SARNP: variants seen among roughly 807,000 people sequenced by gnomAD.
SARNP encodes the protein SAP domain containing ribonucleoprotein, also known as SAP domain-containing ribonucleoprotein.
SARNP carries 5 observed loss-of-function variants against 38.1 expected under a neutral mutation model. That is an observed-to-expected ratio of 0.13 (90% CI 0.07 to 0.28). The LOEUF (loss-of-function observed/expected upper bound fraction) is 0.28, where lower values mean the gene tolerates loss of function less well. Ranked by LOEUF, SARNP falls within the 10% of genes least tolerant of loss-of-function variation. The pLI is 1.00. For synonymous variants in SARNP, 84 were observed against 80.6 expected, an observed-to-expected ratio of 1.04 and a Z score of -0.23; for missense variants, 180 against 243.9, an observed-to-expected ratio of 0.74 and a Z score of 1.75.
intron 2 of SARNP, among the ~76,000 whole-genome samples, chr12:55,803,226 G>A (rs1880036748): frequency 6.6e-6 from 1 of 152,098 alleles, no homozygotes. Flanking sequence ...GCTCACAACT[G>A]TAATCCCAGC....
At chr12:55,771,515 G>A (rs1879007648) in intron 9 of SARNP, among the ~76,000 whole-genome samples, 1 of 152,130 alleles carries the variant, frequency 6.6e-6, no homozygotes, top group African/African-American at 2.4e-5. Context: ...TATACCATGT[G>A]TGAGAAGCAG....
chr12:55,783,993 C>T lies in SARNP; in HGVS notation c.501+5082G>A, dbSNP rs575100471. Among the ~76,000 whole-genome samples, 6 of 152,178 alleles carry T rather than the reference C, an allele frequency of 3.9e-5. No homozygotes were observed. The South Asian group carries it at 1.0e-3, about 26-fold the overall frequency. Reference sequence around the variant, plus strand: ...TCCATGGCTCATTTGCTCTCATATACTTCCTCCCTTTATTCATATACTACA... The same window carrying T: ...TCCATGGCTCATTTGCTCTCATATATTTCCTCCCTTTATTCATATACTACA... On this transcript the variant is annotated intron_variant, in intron 9 of 10. Transcript: ENST00000336133.
chr12:55,757,613 T>G, intron 10 of SARNP, 60 bp from the exon 11 acceptor site: 1 of 1,404,684 alleles, frequency 7.1e-7, no homozygotes, highest in Non-Finnish European at 9.9e-7. Context: ...CCTGGGTTCC[T>G]GGCTGCTTTA....
intron 1 of SARNP, 69 bp from the exon 2 acceptor site, chr12:55,803,797 C>G: frequency 9.8e-7 from 1 of 1,016,012 alleles, no homozygotes; most frequent in Non-Finnish European, 1.5e-6. Flanking sequence ...ATGGTAGTTC[C>G]CACAAGGAAA....
chr12:55,810,451 A>AT (rs199532602), intron 1 of SARNP, among the ~76,000 whole-genome samples: 2,734 of 136,032 alleles, frequency 0.02, 28 homozygotes, highest in African/African-American at 0.028. Flanking sequence ...CTGACCTTGA[A>AT]TTTTTTTTTT....
chr12:55,770,586 G>T (rs1878978352), intron 9 of SARNP, among the ~76,000 whole-genome samples: 1 of 151,962 alleles, frequency 6.6e-6, no homozygotes, highest in Admixed American at 6.6e-5. Context: ...GATTTCCATG[G>T]CATATATACT....
In SARNP at chr12:55,774,558, T is replaced by TAAAAAAAAAAAAAAA. The variant is rs1565673497; in HGVS notation, c.502-13919_502-13918insTTTTTTTTTTTTTTT. Reference sequence around the variant, plus strand: ...CGACACGGTGAAACCCCGTCTCTACTGAAAAAAAAAAAAAAACAAACAAAA... The same window carrying TAAAAAAAAAAAAAAA: ...CGACACGGTGAAACCCCGTCTCTACTAAAAAAAAAAAAAAAGAAAAAAAAAAAAAAACAAACAAAA... On this transcript the variant is annotated intron_variant, in intron 9 of 10. Coordinates refer to ENST00000336133, the MANE Select transcript of SARNP (RefSeq NM_033082.4). 1.6e-3 allele frequency among the ~76,000 whole-genome samples: 64 copies of TAAAAAAAAAAAAAAA among 40,512 alleles called. 6 individuals are homozygous for TAAAAAAAAAAAAAAA. The highest frequency in any genetic ancestry group is 2.2e-3 in the South Asian group (2 of 920). 26.6% of individuals were successfully genotyped at this position (40,512 alleles called of 152,430 possible). A position where few individuals can be genotyped will look rare whatever the true frequency, so the allele number is the denominator to read the frequency against.
chr12:55,802,222 T>C (rs967664169), intron 2 of SARNP, among the ~76,000 whole-genome samples: 26 of 152,166 alleles, frequency 1.7e-4, no homozygotes, highest in African/African-American at 5.8e-4. Context: ...TGGGAGTCCT[T>C]AGTCACATTA....
intron 10 of SARNP, among the ~76,000 whole-genome samples, chr12:55,757,776 A>C (rs1184075293): frequency 1.3e-5 from 2 of 152,162 alleles, no homozygotes; most frequent in African/African-American, 4.8e-5. Context: ...GGTGAGGAGT[A>C]AAGAAGATTA....
chr12:55,801,396 T>C (rs377198632), intron 2 of SARNP, among the ~76,000 whole-genome samples: 16 of 152,174 alleles, frequency 1.1e-4, no homozygotes, highest in East Asian at 3.9e-4. Flanking sequence ...TGAGCTGAGA[T>C]CATGTCACTG....
chr12:55,804,751 A>C (rs1342482224), intron 1 of SARNP, among the ~76,000 whole-genome samples: 1 of 152,096 alleles, frequency 6.6e-6, no homozygotes, highest in Non-Finnish European at 1.5e-5. Flanking sequence ...GCAGGAAAGA[A>C]AGGCTCCAGA....
intron 4 of SARNP, 27 bp from the exon 5 acceptor site, chr12:55,796,103 T>A (rs1879812923): frequency 1.3e-6 from 2 of 1,494,122 alleles, no homozygotes; most frequent in Admixed American, 1.7e-5. Context: ...TTTTTTAAAA[T>A]GAGAAAACTG....
At chr12:55,787,915 A>C (rs1592569909) in intron 9 of SARNP, among the ~76,000 whole-genome samples, 1 of 151,370 alleles carries the variant, frequency 6.6e-6, no homozygotes, top group Non-Finnish European at 1.5e-5. Flanking sequence ...CACCCAGCTA[A>C]TTTTTTTGTA....
intron 1 of SARNP, among the ~76,000 whole-genome samples, chr12:55,805,848 AAAAT>A (rs759465732): frequency 6.6e-6 from 1 of 151,894 alleles, no homozygotes; most frequent in South Asian, 2.1e-4. Flanking sequence ...CTGTCTCAAA[AAAAT>A]AAATAAAAAT....
At chr12:55,774,711 G>A (rs1370277366) in intron 9 of SARNP, among the ~76,000 whole-genome samples, 1 of 151,612 alleles carries the variant, frequency 6.6e-6, no homozygotes, top group East Asian at 1.9e-4. Flanking sequence ...CAGCTTGGGT[G>A]ACAAGAGCAA....
intron 9 of SARNP, among the ~76,000 whole-genome samples, chr12:55,768,873 G>A (rs1163902661): frequency 1.3e-5 from 2 of 151,978 alleles, no homozygotes; most frequent in South Asian, 2.1e-4. Context: ...ACAGGTGTAA[G>A]CCCTATGCCC....
chr12:55,797,289 T>C (rs1239416704), intron 4 of SARNP, among the ~76,000 whole-genome samples: 3 of 152,190 alleles, frequency 2.0e-5, no homozygotes, highest in African/African-American at 7.2e-5. Flanking sequence ...CTGCTGACTA[T>C]AACGAAGTCC....
chr12:55,799,841 C>T (rs1879927835), intron 4 of SARNP, among the ~76,000 whole-genome samples: 1 of 150,854 alleles, frequency 6.6e-6, no homozygotes, highest in Admixed American at 6.6e-5. Context: ...TGTGTGCCAC[C>T]GTGCCTGGCC....
chr12:55,804,417 GAA>G (rs761267629), intron 1 of SARNP, among the ~76,000 whole-genome samples: 9 of 119,816 alleles, frequency 7.5e-5, no homozygotes, highest in African/African-American at 2.0e-4. Context: ...CACGGAAACA[GAA>G]AAAAAAAAAA....
Sources: allele counts gnomAD v4.1 joint callset (sites outside exome capture counted in the v4.1 genomes callset), GRCh38; gene constraint gnomAD v4.1.1; transcripts MANE v1.5; gene names NCBI Gene and HGNC (gene_info 2026-07-23, HGNC 2026-07-21).